BCL2L13: variants seen among roughly 807,000 people sequenced by gnomAD.
BCL2L13 encodes the protein BCL2 like 13, also known as bcl-2-like protein 13.
In BCL2L13, 13 loss-of-function variants were observed where a neutral mutation model predicts 25.8. The ratio of observed to expected loss-of-function variants is 0.50; its 90% confidence interval spans 0.33 to 0.80. The LOEUF (loss-of-function observed/expected upper bound fraction) is 0.80, where lower values mean the gene tolerates loss of function less well. BCL2L13 is among the 30% of genes least tolerant of loss of function. BCL2L13 has a pLI of 0.02. For synonymous variants in BCL2L13, 244 were observed against 230.3 expected (o/e 1.06, Z -0.54); for missense variants, 504 against 574.9 (o/e 0.88, Z 1.26).
chr22:17,666,107 C>A (rs944405349), intron 2 of BCL2L13, among the ~76,000 whole-genome samples: 6 of 152,162 alleles, frequency 3.9e-5, no homozygotes, highest in Non-Finnish European at 8.8e-5. Flanking sequence ...GTTTCTCCAT[C>A]TCTTTGCCAA....
At chr22:17,683,914 G>T (rs538949764) in intron 3 of BCL2L13, among the ~76,000 whole-genome samples, 229 of 150,814 alleles carry the variant, frequency 1.5e-3, no homozygotes, top group African/African-American at 5.3e-3. Flanking sequence ...TTGCTCTGTT[G>T]CCCAGGCTGG....
chr22:17,665,063 T>C (rs965467603), intron 2 of BCL2L13, among the ~76,000 whole-genome samples: 3 of 152,180 alleles, frequency 2.0e-5, no homozygotes, highest in Non-Finnish European at 2.9e-5. Flanking sequence ...CCCTAGAAAA[T>C]GGAGTTTTCT....
chr22:17,649,935 A>G (rs2058625262), intron 1 of BCL2L13, among the ~76,000 whole-genome samples: 1 of 132,286 alleles, frequency 7.6e-6, no homozygotes, highest in South Asian at 2.3e-4. Flanking sequence ...GCAATGCGTA[A>G]TCTTGGCCCA....
At chr22:17,716,530 G>T (rs1323497709) in intron 6 of BCL2L13, among the ~76,000 whole-genome samples, 3 of 152,146 alleles carry the variant, frequency 2.0e-5, no homozygotes, top group African/African-American at 7.2e-5. Context: ...AGATTTGGGT[G>T]AAATGATGGC....
At chr22:17,652,401 A>C (rs2058716802) in intron 1 of BCL2L13, among the ~76,000 whole-genome samples, 4 of 152,138 alleles carry the variant, frequency 2.6e-5, no homozygotes. Flanking sequence ...AAATCATGAA[A>C]TATAACAACT....
In BCL2L13 at chr22:17,727,654, G is replaced by T. The variant is rs1472178361; in HGVS notation, c.*120G>T. 1.5e-6 allele frequency: 2 copies of T among 1,368,270 alleles called. No individual in the cohort carries two copies. The highest frequency in any genetic ancestry group is 2.9e-5 in the African/African-American group (2 of 69,434). 84.8% of individuals were successfully genotyped at this position (1,368,270 alleles called of 1,614,324 possible). A position where few individuals can be genotyped will look rare whatever the true frequency, so the allele number is the denominator to read the frequency against. ...CACTCTGGGATAATTGGGGACTTCT[G>T]CTCAACATGGCAGTGGCATGTTAGG... On this transcript the variant is annotated 3_prime_UTR_variant, in exon 7 of 7. Transcript: ENST00000317582.
intron 6 of BCL2L13, among the ~76,000 whole-genome samples, chr22:17,724,772 C>T (rs1004172308): frequency 3.3e-5 from 5 of 152,280 alleles, no homozygotes; most frequent in African/African-American, 4.8e-5. Flanking sequence ...GTAGCTTTTA[C>T]GAGTGTTGTC....
At chr22:17,716,957 T>C (rs1379100859) in intron 6 of BCL2L13, among the ~76,000 whole-genome samples, 1 of 152,090 alleles carries the variant, frequency 6.6e-6, no homozygotes, top group Non-Finnish European at 1.5e-5. Flanking sequence ...TCAAGAAAGG[T>C]ACTGATATTT....
At chr22:17,695,910 C>T in intron 4 of BCL2L13, 1 of 368,948 alleles carries the variant, frequency 2.7e-6, no homozygotes, top group Middle Eastern at 8.5e-4. Flanking sequence ...CTAGAATATA[C>T]ATTTATCTTG....
chr22:17,719,846 A>AAAAAAAC (rs1555897108), intron 6 of BCL2L13, among the ~76,000 whole-genome samples: 21 of 129,152 alleles, frequency 1.6e-4, no homozygotes, highest in Admixed American at 3.5e-4. Context: ...AAAAAAAAAA[A>AAAAAAAC]AAAAGAATGA....
At chr22:17,715,113 G>T (rs2060875909) in intron 6 of BCL2L13, among the ~76,000 whole-genome samples, 1 of 112,360 alleles carries the variant, frequency 8.9e-6, no homozygotes, top group Non-Finnish European at 1.7e-5. Flanking sequence ...AAAGACTTCA[G>T]TGTTAATTTT....
At chr22:17,664,787 CT>C (rs1430087054) in intron 2 of BCL2L13, among the ~76,000 whole-genome samples, 8 of 152,230 alleles carry the variant, frequency 5.3e-5, no homozygotes, top group Admixed American at 5.2e-4. Flanking sequence ...CTTTCACCCC[CT>C]GAAGCCATTT....
Position 17,696,183 on chromosome 22 carries a change from C to T in BCL2L13, c.429C>T (p.Thr143=). Residue 143 remains threonine, a synonymous_variant, in exon 5 of 7, where the codon ACC becomes ACT. Coordinates refer to ENST00000317582, the MANE Select transcript of BCL2L13 (RefSeq NM_015367.4). ...CATTTCGGGAATGTACACTGGAGAC[C>T]ACAGTTCATGCCAGCGGCTGGAATA... is the stretch of plus-strand genomic sequence containing the variant. ...YQAFRECTLE[T]TVHASGWNKI... The T allele has an allele frequency of 6.2e-7, 1 of 1,613,860 alleles. No individual in the cohort carries two copies. Among genetic ancestry groups the T allele is most frequent in the Non-Finnish European group, 8.5e-7 (1 of 1,179,816 alleles).
intron 1 of BCL2L13, among the ~76,000 whole-genome samples, chr22:17,639,121 C>T (rs575465505): frequency 2.0e-5 from 3 of 152,336 alleles, no homozygotes; most frequent in South Asian, 4.1e-4. Context: ...GAGCAGGCTT[C>T]TTCCGGCGTG....
At chr22:17,718,190 A>G (rs2061000638) in intron 6 of BCL2L13, among the ~76,000 whole-genome samples, 1 of 152,210 alleles carries the variant, frequency 6.6e-6, no homozygotes, top group African/African-American at 2.4e-5. Context: ...AAGATTGCTT[A>G]CATTAGAGTA....
chr22:17,705,854 G>A (rs1358287090), intron 6 of BCL2L13, among the ~76,000 whole-genome samples: 2 of 152,180 alleles, frequency 1.3e-5, no homozygotes, highest in Admixed American at 6.5e-5. Flanking sequence ...CTCTCAAGGT[G>A]CAGCTACTTT....
intron 6 of BCL2L13, among the ~76,000 whole-genome samples, chr22:17,720,402 G>A (rs2061085796): frequency 2.0e-5 from 3 of 151,964 alleles, no homozygotes; most frequent in Non-Finnish European, 4.4e-5. Context: ...TGTTGTCCAG[G>A]CCGGAGTGCA....
chr22:17,696,403 T>C (rs996066130), intron 5 of BCL2L13, among the ~76,000 whole-genome samples, 193 bp downstream of exon 5: 2 of 152,212 alleles, frequency 1.3e-5, no homozygotes, highest in Non-Finnish European at 2.9e-5. Flanking sequence ...CTCAAAATTA[T>C]GTGTCCTATA....
At chr22:17,703,618 G>C (rs897313685) in intron 6 of BCL2L13, 8 of 152,116 alleles carry the variant, frequency 5.3e-5, no homozygotes, top group Admixed American at 3.3e-4. Context: ...CTGAGGGTTT[G>C]AGTTAATTTT....
Sources: gnomAD v4.1 joint callset for allele counts (sites outside exome capture counted in the v4.1 genomes callset) on GRCh38, gnomAD v4.1.1 for gene constraint, MANE v1.5 for transcripts, NCBI Gene and HGNC (gene_info 2026-07-23, HGNC 2026-07-21) for gene names.